PTPRK: variants seen among roughly 807,000 people sequenced by gnomAD.
The protein encoded by PTPRK is receptor-type tyrosine-protein phosphatase kappa.
PTPRK carries 75 observed loss-of-function variants against 178.0 expected under a neutral mutation model. That is an observed-to-expected ratio of 0.42 (90% CI 0.35 to 0.51). The LOEUF is 0.51. PTPRK is among the 20% of genes least tolerant of loss of function. The probability of loss-of-function intolerance (pLI) is 0.02; values close to 1 mark genes in which losing one functional copy is unlikely to be tolerated. For synonymous variants in PTPRK, 637 were observed against 620.6 expected (o/e 1.03, Z -0.39); for missense variants, 1,441 against 1,797.8 (o/e 0.80, Z 3.59).
intron 7 of PTPRK, among the ~76,000 whole-genome samples, chr6:128,151,593 C>A (rs1484845381): frequency 1.3e-5 from 2 of 151,890 alleles, no homozygotes; most frequent in African/African-American, 4.8e-5. Flanking sequence ...CATATACACA[C>A]CTATTTGTCA....
chr6:128,460,977 T>C (rs1467310882), intron 1 of PTPRK, among the ~76,000 whole-genome samples: 2 of 152,154 alleles, frequency 1.3e-5, no homozygotes, highest in Non-Finnish European at 1.5e-5. Context: ...TAACCTAAGA[T>C]ATTCCAGTTT....
At chr6:128,239,896 G>A (rs985247541) in intron 5 of PTPRK, 139 bp downstream of exon 5, 17 of 501,440 alleles carry the variant, frequency 3.4e-5, no homozygotes, top group Non-Finnish European at 5.9e-5. Context: ...TTAAACTCAC[G>A]CAGACAGCCT....
chr6:128,082,940 T>C (rs1334014727), intron 9 of PTPRK, among the ~76,000 whole-genome samples: 1 of 152,132 alleles, frequency 6.6e-6, no homozygotes, highest in Non-Finnish European at 1.5e-5. Flanking sequence ...TATAGCCATA[T>C]ACTTTAATGC....
chr6:128,197,094 T>C (rs983930713), intron 6 of PTPRK, among the ~76,000 whole-genome samples: 6 of 152,086 alleles, frequency 3.9e-5, no homozygotes, highest in Admixed American at 6.6e-5. Context: ...TATAAGTTGA[T>C]AGCTGAGAGA....
intron 3 of PTPRK, among the ~76,000 whole-genome samples, chr6:128,267,931 TG>T (rs1819209586): frequency 6.6e-6 from 1 of 152,036 alleles, no homozygotes; most frequent in Non-Finnish European, 1.5e-5. Flanking sequence ...CATCAACTAC[TG>T]GGGCTAAGAG....
Position 128,338,661 on chromosome 6 carries a change from T to C in PTPRK, c.224-16351A>G, listed in dbSNP as rs1040911741. Among the ~76,000 whole-genome samples the C allele has an allele frequency of 1.5e-4, 4 of 26,380 alleles. No individual in the cohort carries two copies. The Admixed American group carries it at 2.5e-3, about 17-fold the overall frequency. 17.3% of individuals were successfully genotyped at this position (26,380 alleles called of 152,430 possible). Reference sequence around the variant, plus strand: ...TCCTGTGCTTTGCTGCCCCTGGAAGTCTATGCTTCCCCTCTGCAGAAGGAA... The same window carrying C: ...TCCTGTGCTTTGCTGCCCCTGGAAGCCTATGCTTCCCCTCTGCAGAAGGAA... On this transcript the variant is annotated intron_variant, in intron 2 of 29. Transcript: ENST00000368226.
intron 2 of PTPRK, among the ~76,000 whole-genome samples, chr6:128,330,103 G>T (rs142421795): frequency 6.6e-6 from 1 of 152,256 alleles, no homozygotes; most frequent in Admixed American, 6.5e-5. Flanking sequence ...GCCAGAAACT[G>T]TTGGTGTAAA....
At chr6:128,210,522 AAAAATACGCG>A (rs989024753) in intron 6 of PTPRK, among the ~76,000 whole-genome samples, 5 of 152,180 alleles carry the variant, frequency 3.3e-5, no homozygotes, top group Non-Finnish European at 5.9e-5. Context: ...CTATTCAAGA[AAAAATACGCG>A]AGGGTGGAAA....
intron 7 of PTPRK, among the ~76,000 whole-genome samples, chr6:128,144,827 T>A (rs1484670730): frequency 1.3e-5 from 2 of 152,154 alleles, no homozygotes; most frequent in Non-Finnish European, 2.9e-5. Context: ...TAGAATGTTA[T>A]CATCACAGGT....
chr6:128,055,053 T>TA (rs959850128), intron 13 of PTPRK, among the ~76,000 whole-genome samples: 18 of 152,156 alleles, frequency 1.2e-4, no homozygotes, highest in African/African-American at 3.9e-4. Flanking sequence ...ATAAGAGAGT[T>TA]AAAAAAATCC....
chr6:128,438,806 C>G (rs534962035), intron 1 of PTPRK, among the ~76,000 whole-genome samples: 1 of 152,078 alleles, frequency 6.6e-6, no homozygotes, highest in Non-Finnish European at 1.5e-5. Flanking sequence ...GAATTAATCA[C>G]CAAATAATGG....
At chr6:128,061,639 T>G (rs1780839687) in intron 13 of PTPRK, among the ~76,000 whole-genome samples, 1 of 152,126 alleles carries the variant, frequency 6.6e-6, no homozygotes, top group African/African-American at 2.4e-5. Context: ...AAAGGTCCTT[T>G]CTAGACCCTT....
intron 13 of PTPRK, among the ~76,000 whole-genome samples, chr6:128,034,353 T>A (rs1300771798): frequency 6.6e-6 from 1 of 152,216 alleles, no homozygotes; most frequent in African/African-American, 2.4e-5. Flanking sequence ...AATTTTTGAT[T>A]AGCAGCATTT....
intron 8 of PTPRK, among the ~76,000 whole-genome samples, chr6:128,088,916 T>C (rs1306300166): frequency 6.6e-6 from 1 of 152,182 alleles, no homozygotes; most frequent in Non-Finnish European, 1.5e-5. Context: ...TAGACTCACA[T>C]AAAACCATCT....
Position 128,438,922 on chromosome 6 carries a change from T to C in PTPRK, c.101-41234A>G, listed in dbSNP as rs187725206. Among the ~76,000 whole-genome samples the C allele has an allele frequency of 1.4e-3, 218 of 151,732 alleles. 1 individual carries two copies. Among genetic ancestry groups the C allele is most frequent in the African/African-American group, 5.1e-3 (210 of 41,344 alleles). ...TTGCTTTCCCATTGAAACAGAAGTTTAGAGAAAAAAAAAATGACCATATAA... is the reference window on the plus strand; with the variant it reads ...TTGCTTTCCCATTGAAACAGAAGTTCAGAGAAAAAAAAAATGACCATATAA... On this transcript the variant is annotated intron_variant, in intron 1 of 29. Transcript: ENST00000368226.
chr6:128,023,678 G>C (rs1773861262), intron 13 of PTPRK, among the ~76,000 whole-genome samples: 1 of 151,894 alleles, frequency 6.6e-6, no homozygotes, highest in Admixed American at 6.6e-5. Context: ...TTTTGAGACA[G>C]GGTCTCACTC....
chr6:128,369,508 T>G (rs2128347819), intron 2 of PTPRK, among the ~76,000 whole-genome samples: 1 of 152,234 alleles, frequency 6.6e-6, no homozygotes, highest in East Asian at 1.9e-4. Context: ...AACTGACTAT[T>G]CTTTATTCTT....
chr6:128,127,591 C>G (rs1470080330), intron 7 of PTPRK, among the ~76,000 whole-genome samples: 1 of 152,154 alleles, frequency 6.6e-6, no homozygotes, highest in Admixed American at 6.5e-5. Context: ...TGTAGCTGAA[C>G]AAGCTCACTT....
chr6:128,041,555 T>C (rs9482864), intron 13 of PTPRK, among the ~76,000 whole-genome samples: 33,264 of 151,916 alleles, frequency 0.22, 4,727 homozygotes, highest in African/African-American at 0.4. Context: ...GAAATCATAT[T>C]ACCATAATAC....
Sources: gnomAD v4.1 joint callset for allele counts (sites outside exome capture counted in the v4.1 genomes callset) on GRCh38, gnomAD v4.1.1 for gene constraint, MANE v1.5 for transcripts, NCBI Gene and HGNC (gene_info 2026-07-23, HGNC 2026-07-21) for gene names.